Variants in STPG2 observed in about 807,000 individuals in gnomAD.
The protein encoded by STPG2 is sperm tail PG-rich repeat containing 2.
STPG2 carries 56 observed loss-of-function variants against 54.2 expected under a neutral mutation model. That is an observed-to-expected ratio of 1.03 (90% CI 0.83 to 1.29). The LOEUF is 1.29. Among genes scored for constraint, STPG2 ranks in the 50% most tolerant of loss-of-function variants. The pLI is 0.00. For missense variants in STPG2, 596 were observed against 544.9 expected, an observed-to-expected ratio of 1.09 and a Z score of -0.93; for synonymous variants, 200 against 181.8, an observed-to-expected ratio of 1.10 and a Z score of -0.81.
intron 5 of STPG2, among the ~76,000 whole-genome samples, chr4:97,983,910 TATAA>T: frequency 6.6e-6 from 1 of 152,278 alleles, no homozygotes; most frequent in South Asian, 2.1e-4. Flanking sequence ...TATTCATACA[TATAA>T]ATATATATTA....
At chr4:97,885,098 G>A (rs7656688) in intron 8 of STPG2, among the ~76,000 whole-genome samples, 24,572 of 152,064 alleles carry the variant, frequency 0.16, 2,158 homozygotes, top group East Asian at 0.36. Context: ...CTACAGAAAC[G>A]TAACGCTTAA....
At chr4:98,046,201 C>T (rs1255067053) in intron 5 of STPG2, among the ~76,000 whole-genome samples, 1 of 152,104 alleles carries the variant, frequency 6.6e-6, no homozygotes, top group African/African-American at 2.4e-5. Flanking sequence ...TCTATCACTT[C>T]TGTCTGACTT....
chr4:97,705,762 C>A (rs1723921505), intron 10 of STPG2, among the ~76,000 whole-genome samples: 1 of 151,736 alleles, frequency 6.6e-6, no homozygotes, highest in Admixed American at 6.6e-5. Flanking sequence ...TATATAGTTT[C>A]TCCTTACTAG....
chr4:98,047,466 G>C (rs1035374805), intron 5 of STPG2, among the ~76,000 whole-genome samples: 1 of 152,264 alleles, frequency 6.6e-6, no homozygotes, highest in East Asian at 1.9e-4. Flanking sequence ...AGGGAGAAAC[G>C]GGGATCTAGG....
intron 8 of STPG2, among the ~76,000 whole-genome samples, chr4:97,884,321 T>C (rs554299950): frequency 1.1e-3 from 164 of 152,256 alleles, no homozygotes; most frequent in African/African-American, 3.8e-3. Flanking sequence ...CCTCAAAATG[T>C]GACTATATTT....
At chr4:97,738,336 G>A (rs1249504439) in intron 9 of STPG2, among the ~76,000 whole-genome samples, 1 of 152,148 alleles carries the variant, frequency 6.6e-6, no homozygotes, top group Admixed American at 6.5e-5. Flanking sequence ...ACATTAAAAT[G>A]ACAGGATCAA....
At chr4:97,752,862 C>G (rs1725619598) in intron 9 of STPG2, among the ~76,000 whole-genome samples, 1 of 151,846 alleles carries the variant, frequency 6.6e-6, no homozygotes, top group Non-Finnish European at 1.5e-5. Context: ...ATAACTCACT[C>G]TAAACTCTTA....
intron 8 of STPG2, among the ~76,000 whole-genome samples, chr4:97,902,602 T>C (rs567391570): frequency 3.9e-4 from 60 of 152,108 alleles, no homozygotes; most frequent in African/African-American, 1.4e-3. Flanking sequence ...GAGATACCAC[T>C]TCACATCTTT....
chr4:97,479,241 A>G (rs1047250281), intron 4 of STPG2, among the ~76,000 whole-genome samples: 26 of 151,910 alleles, frequency 1.7e-4, no homozygotes, highest in African/African-American at 6.3e-4. Flanking sequence ...TTGCCAAATC[A>G]CTGATCGTAT....
At chr4:98,083,813 C>T (rs941919051) in intron 5 of STPG2, among the ~76,000 whole-genome samples, 4 of 152,156 alleles carry the variant, frequency 2.6e-5, no homozygotes, top group African/African-American at 9.7e-5. Flanking sequence ...TCAAAAGTTT[C>T]CGTGTGCCAA....
At chr4:97,592,317 A>T (rs1254911668) in intron 10 of STPG2, among the ~76,000 whole-genome samples, 2 of 152,140 alleles carry the variant, frequency 1.3e-5, no homozygotes, top group Non-Finnish European at 2.9e-5. Flanking sequence ...GGTCTGCTTC[A>T]TTACAGTTGT....
chr4:97,908,017 T>G (rs933561035), intron 8 of STPG2, among the ~76,000 whole-genome samples: 1 of 152,100 alleles, frequency 6.6e-6, no homozygotes, highest in African/African-American at 2.4e-5. Flanking sequence ...AATTGACAAA[T>G]GGGATCTTAT....
At chr4:97,679,845 G>A (rs1722974284) in intron 10 of STPG2, among the ~76,000 whole-genome samples, 1 of 151,964 alleles carries the variant, frequency 6.6e-6, no homozygotes, top group Admixed American at 6.6e-5. Flanking sequence ...TTCTACATAT[G>A]GCTAGCCAGT....
chr4:97,477,272 GTCATTTATAA>G (rs1008778562), intron 4 of STPG2, among the ~76,000 whole-genome samples: 4 of 152,062 alleles, frequency 2.6e-5, no homozygotes, highest in Non-Finnish European at 5.9e-5. Context: ...TGACACAGGG[GTCATTTATAA>G]TGACAATTTA....
chr4:97,766,099 G>A (rs1369909878), intron 9 of STPG2, among the ~76,000 whole-genome samples: 1 of 151,990 alleles, frequency 6.6e-6, no homozygotes, highest in Non-Finnish European at 1.5e-5. Flanking sequence ...GGTTTAAGAG[G>A]ATTCAAATAT....
At chr4:97,494,040 A>AC (rs2148828961) in intron 4 of STPG2, among the ~76,000 whole-genome samples, 1 of 151,570 alleles carries the variant, frequency 6.6e-6, no homozygotes, top group African/African-American at 2.4e-5. Context: ...TTGATTCAAC[A>AC]CAAAAAAACG....
chr4:97,919,825 T>A (rs1023167613), intron 8 of STPG2, among the ~76,000 whole-genome samples: 3 of 152,162 alleles, frequency 2.0e-5, no homozygotes, highest in African/African-American at 7.2e-5. Flanking sequence ...CAGAATACCT[T>A]GACCCCCAAA....
At chr4:97,999,162 C>G (rs1362167463) in intron 5 of STPG2, among the ~76,000 whole-genome samples, 2 of 152,154 alleles carry the variant, frequency 1.3e-5, no homozygotes, top group African/African-American at 4.8e-5. Context: ...AAACAAATAA[C>G]TGAAACAATA....
At chr4:97,966,771 A>T (rs1032383502) in intron 7 of STPG2, among the ~76,000 whole-genome samples, 3 of 152,202 alleles carry the variant, frequency 2.0e-5, no homozygotes, top group Non-Finnish European at 4.4e-5. Flanking sequence ...AGCCAAACTA[A>T]GCTTCATAAG....
Sources: gnomAD v4.1 joint callset for allele counts (sites outside exome capture counted in the v4.1 genomes callset) on GRCh38, gnomAD v4.1.1 for gene constraint, MANE v1.5 for transcripts, NCBI Gene and HGNC (gene_info 2026-07-23, HGNC 2026-07-21) for gene names.